Variants in THSD4 observed in about 807,000 individuals in gnomAD.
THSD4 encodes the protein thrombospondin type 1 domain containing 4.
Under a neutral mutation model 119.0 loss-of-function variants are expected in THSD4, and 69 were observed. The ratio of observed to expected loss-of-function variants is 0.58; its 90% CI spans 0.48 to 0.71. The LOEUF (loss-of-function observed/expected upper bound fraction) is 0.71. THSD4 is among the 30% of genes least tolerant of loss of function. THSD4 has a pLI of 0.00. For missense variants in THSD4, 1,393 were observed against 1,391.1 expected (o/e 1.00, Z -0.02); for synonymous variants, 524 against 540.4 (o/e 0.97, Z 0.42).
At chr15:71,380,619 G>T (rs986981752) in intron 6 of THSD4, among the ~76,000 whole-genome samples, 2 of 152,054 alleles carry the variant, frequency 1.3e-5, no homozygotes, top group African/African-American at 4.8e-5. Context: ...ACTTGAGGCA[G>T]TTCAATAATA....
intron 1 of THSD4, among the ~76,000 whole-genome samples, chr15:71,134,511 G>C (rs2040531505): frequency 6.6e-6 from 1 of 151,974 alleles, no homozygotes; most frequent in Non-Finnish European, 1.5e-5. Flanking sequence ...CTTTCTAAGA[G>C]GGAAAAGTCT....
chr15:71,153,854 T>C (rs1433395091), intron 2 of THSD4, among the ~76,000 whole-genome samples: 1 of 152,178 alleles, frequency 6.6e-6, no homozygotes, highest in Non-Finnish European at 1.5e-5. Context: ...AATAATGACA[T>C]TGATGATTTG....
chr15:71,727,194 G>C (rs1165047503), intron 8 of THSD4, among the ~76,000 whole-genome samples: 2 of 152,038 alleles, frequency 1.3e-5, no homozygotes, highest in East Asian at 1.9e-4. Flanking sequence ...CTGAAAAATG[G>C]GGATTATAAC....
intron 11 of THSD4, among the ~76,000 whole-genome samples, chr15:71,743,557 T>C (rs1385695190): frequency 6.6e-6 from 1 of 151,706 alleles, no homozygotes; most frequent in Non-Finnish European, 1.5e-5. Context: ...GGACAAACTT[T>C]AATTCCACAA....
At chr15:71,484,829 C>G (rs2047790258) in intron 7 of THSD4, among the ~76,000 whole-genome samples, 1 of 152,118 alleles carries the variant, frequency 6.6e-6, no homozygotes, top group Admixed American at 6.5e-5. Context: ...CCCTCCAAAT[C>G]ATTTAGAGGC....
chr15:71,762,226 G>A lies in THSD4; in HGVS notation c.2590-2794G>A, dbSNP rs1171653055. ...GAACACATTCATTCACTTTCCAGAC[G>A]CACATATTCTGCCATTTCTGAGCAT... On this transcript the variant is annotated intron_variant, in intron 15 of 17. Coordinates refer to ENST00000261862, the MANE Select transcript of THSD4 (RefSeq NM_024817.3). Among the ~76,000 whole-genome samples, 4 of 151,662 alleles carry A rather than the reference G, an allele frequency of 2.6e-5. No homozygotes were observed. In the East Asian group the frequency reaches 7.7e-4, roughly 29 times the overall value.
intron 1 of THSD4, among the ~76,000 whole-genome samples, chr15:71,135,037 A>G (rs1038394807): frequency 6.8e-6 from 1 of 146,762 alleles, no homozygotes; most frequent in Non-Finnish European, 1.5e-5. Context: ...CTATGCAGCC[A>G]TAAAAAATGA....
chr15:71,585,728 T>C (rs1354598330), intron 7 of THSD4, among the ~76,000 whole-genome samples: 3 of 152,208 alleles, frequency 2.0e-5, no homozygotes, highest in Admixed American at 6.5e-5. Context: ...ATTGGTTCAC[T>C]TGATGGTGTC....
chr15:71,302,162 C>T (rs1356982454), intron 6 of THSD4, among the ~76,000 whole-genome samples: 1 of 152,216 alleles, frequency 6.6e-6, no homozygotes, highest in Non-Finnish European at 1.5e-5. Context: ...TCTCCTTTCC[C>T]TGGCAGCGTT....
chr15:71,749,353 T>C (rs1159702720), intron 14 of THSD4, among the ~76,000 whole-genome samples: 1 of 152,248 alleles, frequency 6.6e-6, no homozygotes, highest in African/African-American at 2.4e-5. Context: ...TTGTGCTTCC[T>C]TTCCTGGTGG....
chr15:71,624,044 C>T (rs2050465445), intron 7 of THSD4, among the ~76,000 whole-genome samples: 1 of 152,134 alleles, frequency 6.6e-6, no homozygotes, highest in Non-Finnish European at 1.5e-5. Flanking sequence ...GATTTGTCTG[C>T]AGGAGGTCTA....
intron 7 of THSD4, among the ~76,000 whole-genome samples, chr15:71,486,476 A>G (rs1242079530): frequency 6.6e-6 from 1 of 152,148 alleles, no homozygotes; most frequent in African/African-American, 2.4e-5. Flanking sequence ...GTAAATGCCC[A>G]TTCTCTCACT....
intron 3 of THSD4, among the ~76,000 whole-genome samples, chr15:71,183,381 C>A (rs1362266643): frequency 6.6e-6 from 1 of 151,734 alleles, no homozygotes; most frequent in East Asian, 1.9e-4. Context: ...ACAGCGAAAC[C>A]ATAGCAGACT....
chr15:71,309,412 A>T (rs1355161303), intron 6 of THSD4, among the ~76,000 whole-genome samples: 2 of 152,222 alleles, frequency 1.3e-5, no homozygotes, highest in Non-Finnish European at 2.9e-5. Flanking sequence ...CTTACCAGAT[A>T]TATAATTTGC....
At chr15:71,354,490 A>C (rs1238314983) in intron 6 of THSD4, among the ~76,000 whole-genome samples, 1 of 152,176 alleles carries the variant, frequency 6.6e-6, no homozygotes, top group Non-Finnish European at 1.5e-5. Flanking sequence ...GACTTTTCCA[A>C]ATTGTGGCCA....
intron 6 of THSD4, among the ~76,000 whole-genome samples, chr15:71,339,665 C>T (rs2045538070): frequency 6.6e-6 from 1 of 152,082 alleles, no homozygotes; most frequent in African/African-American, 2.4e-5. Flanking sequence ...GCCTCAGTTT[C>T]CTAATCTCTA....
intron 7 of THSD4, among the ~76,000 whole-genome samples, chr15:71,536,040 A>T (rs1438730990): frequency 1.3e-5 from 2 of 152,194 alleles, no homozygotes; most frequent in African/African-American, 2.4e-5. Context: ...GTTTCCTTCT[A>T]AGAGTTTTAA....
intron 7 of THSD4, among the ~76,000 whole-genome samples, chr15:71,457,048 G>T (rs946633848): frequency 1.3e-5 from 2 of 152,040 alleles, no homozygotes; most frequent in Non-Finnish European, 2.9e-5. Flanking sequence ...ATTAAACAAG[G>T]ATAAAGTCCC....
intron 7 of THSD4, among the ~76,000 whole-genome samples, chr15:71,442,695 T>TATATATATATAC (rs2047126400): frequency 2.5e-5 from 3 of 118,436 alleles, no homozygotes; most frequent in African/African-American, 9.2e-5. Flanking sequence ...TATATATATA[T>TATATATATATAC]ATATATATGA....
Sources: gnomAD v4.1 joint callset for allele counts (sites outside exome capture counted in the v4.1 genomes callset) on GRCh38, gnomAD v4.1.1 for gene constraint, MANE v1.5 for transcripts, NCBI Gene and HGNC (gene_info 2026-07-23, HGNC 2026-07-21) for gene names.